CNOT4: variants seen among roughly 807,000 people sequenced by gnomAD.
CNOT4 encodes the protein CCR4-associated factor 4.
In CNOT4, 8 loss-of-function variants were observed where a neutral mutation model predicts 73.8. The ratio of observed to expected loss-of-function variants is 0.11; its 90% CI spans 0.06 to 0.20. The LOEUF is 0.20. CNOT4 is among the 10% of genes least tolerant of loss of function. The probability of loss-of-function intolerance (pLI) is 1.00; values close to 1 mark genes in which losing one functional copy is unlikely to be tolerated. For missense variants in CNOT4, 564 were observed against 883.4 expected (o/e 0.64, Z 4.58); for synonymous variants, 293 against 321.1 (o/e 0.91, Z 0.94).
At chr7:135,418,684 G>A (rs1271326903) in intron 3 of CNOT4, among the ~76,000 whole-genome samples, 2 of 152,080 alleles carry the variant, frequency 1.3e-5, no homozygotes, top group Non-Finnish European at 2.9e-5. Flanking sequence ...GAAATGTTGT[G>A]TCTTTAAAGT....
intron 2 of CNOT4, among the ~76,000 whole-genome samples, chr7:135,430,951 T>C (rs1011298029): frequency 6.6e-6 from 1 of 152,172 alleles, no homozygotes; most frequent in African/African-American, 2.4e-5. Context: ...CCCAGTAGAA[T>C]TAAGGCAAGA....
At chr7:135,504,484 T>TTTG (rs1554447780) in intron 1 of CNOT4, among the ~76,000 whole-genome samples, 1 of 67,034 alleles carries the variant, frequency 1.5e-5, no homozygotes, top group African/African-American at 7.2e-5. Flanking sequence ...TTTTTTTTTT[T>TTTG]TTTTTATTTT....
intron 2 of CNOT4, among the ~76,000 whole-genome samples, chr7:135,435,662 G>A (rs1480152314): frequency 6.6e-6 from 1 of 152,074 alleles, no homozygotes; most frequent in African/African-American, 2.4e-5. Context: ...CTTTCATGAT[G>A]TTGGTTTTCC....
chr7:135,416,454 A>G (rs1279159935), intron 3 of CNOT4, among the ~76,000 whole-genome samples: 1 of 152,180 alleles, frequency 6.6e-6, no homozygotes, highest in East Asian at 1.9e-4. Flanking sequence ...ACTGAGTTTC[A>G]ATCTCTTTTC....
chr7:135,393,125 A>C (rs1796487700), intron 10 of CNOT4, among the ~76,000 whole-genome samples: 1 of 152,200 alleles, frequency 6.6e-6, no homozygotes, highest in East Asian at 1.9e-4. Flanking sequence ...AAACGAGAAC[A>C]CTATTAACAA....
intron 1 of CNOT4, among the ~76,000 whole-genome samples, chr7:135,467,461 G>C (rs558369300): frequency 1.3e-5 from 2 of 151,860 alleles, no homozygotes; most frequent in African/African-American, 4.8e-5. Context: ...CTGTAATCCC[G>C]GCACTTTGGG....
At chr7:135,405,388 G>A (rs1279997475) in intron 7 of CNOT4, among the ~76,000 whole-genome samples, 1 of 151,954 alleles carries the variant, frequency 6.6e-6, no homozygotes, top group African/African-American at 2.4e-5. Context: ...TTGTAACTAG[G>A]CCTGCTCACT....
At chr7:135,441,141 G>A (rs898479572) in intron 1 of CNOT4, among the ~76,000 whole-genome samples, 1 of 151,780 alleles carries the variant, frequency 6.6e-6, no homozygotes, top group Non-Finnish European at 1.5e-5. Flanking sequence ...ACACATGGAC[G>A]TTTAGACACC....
At chr7:135,479,954 TTAAAAC>T (rs930431035) in intron 1 of CNOT4, among the ~76,000 whole-genome samples, 2 of 151,676 alleles carry the variant, frequency 1.3e-5, no homozygotes, top group African/African-American at 4.9e-5. Context: ...AAAAATTCCT[TTAAAAC>T]TAATTAAATT....
chr7:135,454,562 T>A (rs2129486042), intron 1 of CNOT4, among the ~76,000 whole-genome samples: 1 of 151,850 alleles, frequency 6.6e-6, no homozygotes, highest in South Asian at 2.1e-4. Context: ...TGGTCCCAGC[T>A]ACACAGGAGG....
intron 1 of CNOT4, among the ~76,000 whole-genome samples, chr7:135,471,015 T>G (rs1248455868): frequency 6.6e-6 from 1 of 152,172 alleles, no homozygotes; most frequent in Non-Finnish European, 1.5e-5. Flanking sequence ...ATGAACAAAA[T>G]CTCGACTTAA....
intron 1 of CNOT4, among the ~76,000 whole-genome samples, chr7:135,441,901 A>G (rs1799500168): frequency 6.6e-6 from 1 of 152,216 alleles, no homozygotes; most frequent in Non-Finnish European, 1.5e-5. Context: ...AGTTAATACA[A>G]AAGTAAGTAC....
chr7:135,495,500 G>C (rs1357839794), intron 1 of CNOT4, among the ~76,000 whole-genome samples: 3 of 94,502 alleles, frequency 3.2e-5, no homozygotes, highest in African/African-American at 8.4e-5. Context: ...GCGAGACTCT[G>C]CCTCAAAAAA....
At chr7:135,405,034 T>G (rs1436517218) in intron 7 of CNOT4, among the ~76,000 whole-genome samples, 2 of 152,222 alleles carry the variant, frequency 1.3e-5, no homozygotes, top group Non-Finnish European at 2.9e-5. Flanking sequence ...TTAAGAATTT[T>G]ACCTCTTCTA....
In CNOT4 at chr7:135,395,730, T is replaced by C. The variant is rs1796642811; in HGVS notation, c.1033A>G (p.Asn345Asp). 6.2e-7 allele frequency: 1 copy of C among 1,613,934 alleles called. No individual in the cohort carries two copies. Among genetic ancestry groups the C allele is most frequent in the Admixed American group, 1.7e-5 (1 of 59,988 alleles). Residue 345 changes from asparagine (N) to aspartate (D), a missense_variant, in exon 9 of 12, where the codon AAC becomes GAC. By Grantham distance (23) the Asn-to-Asp change is conservative. Coordinates refer to ENST00000541284, the MANE Select transcript of CNOT4 (RefSeq NM_001190850.2). ...GGAGGAAGCCCACTTGGGATAGGGT[T>C]GGGATGGCGAAAATTGTCTGAGAAT... The part of the protein sequence containing the change: ...SLFSDNFRHP[N>D]PIPSGLPPFP...
chr7:135,510,065 A>G lies in CNOT4; in HGVS notation c.-269T>C. On this transcript the variant is annotated 5_prime_UTR_variant, in exon 1 of 12. Transcript: ENST00000541284. ...TCAGCTTTCGGTGGGTTCCACAGCC[A>G]GACGGGCCACCATCTTACATTAGGG... 2.5e-6 allele frequency: 1 copy of G among 399,152 alleles called. No individual in the cohort carries two copies. The highest frequency in any genetic ancestry group is 4.4e-6 in the Non-Finnish European group (1 of 226,154). 24.7% of individuals were successfully genotyped at this position (399,152 alleles called of 1,614,324 possible). A position where few individuals can be genotyped will look rare whatever the true frequency, so the allele number is the denominator to read the frequency against.
chr7:135,471,762 C>CTAA (rs1801593109), intron 1 of CNOT4, among the ~76,000 whole-genome samples: 1 of 152,138 alleles, frequency 6.6e-6, no homozygotes, highest in Non-Finnish European at 1.5e-5. Context: ...AAGTGTCTTA[C>CTAA]GTTATACACG....
chr7:135,461,616 G>A (rs1585680464), intron 1 of CNOT4, among the ~76,000 whole-genome samples: 1 of 152,110 alleles, frequency 6.6e-6, no homozygotes, highest in African/African-American at 2.4e-5. Context: ...TGGATTATCT[G>A]AGGTCAGGAG....
intron 10 of CNOT4, among the ~76,000 whole-genome samples, chr7:135,378,312 T>C (rs934324738): frequency 1.3e-5 from 2 of 152,018 alleles, no homozygotes; most frequent in Non-Finnish European, 2.9e-5. Context: ...GAGACCAGCC[T>C]GGCCAACAAT....
Sources: gnomAD v4.1 joint callset for allele counts (sites outside exome capture counted in the v4.1 genomes callset) on GRCh38, gnomAD v4.1.1 for gene constraint, MANE v1.5 for transcripts, NCBI Gene and HGNC (gene_info 2026-07-23, HGNC 2026-07-21) for gene names.